ZFHX4: variants seen among roughly 807,000 people sequenced by gnomAD.
ZFHX4 encodes zinc finger homeobox 4.
Under a neutral mutation model 267.6 loss-of-function variants are expected in ZFHX4, and 56 were observed. The ratio of observed to expected loss-of-function variants is 0.21; its 90% CI spans 0.17 to 0.26. The LOEUF (loss-of-function observed/expected upper bound fraction) is 0.26, where lower values mean the gene tolerates loss of function less well. ZFHX4 is among the 10% of genes least tolerant of loss of function. ZFHX4 has a pLI of 1.00. For synonymous variants in ZFHX4, 1,778 were observed against 1,665.6 expected, an observed-to-expected ratio of 1.07 and a Z score of -1.64; for missense variants, 4,332 against 4,420.0, an observed-to-expected ratio of 0.98 and a Z score of 0.56.
intron 4 of ZFHX4, among the ~76,000 whole-genome samples, chr8:76,784,502 T>TTA (rs1810635588): frequency 6.6e-6 from 1 of 152,030 alleles, no homozygotes; most frequent in Non-Finnish European, 1.5e-5. Context: ...GCTCTAGCCA[T>TTA]GGGTGATGTG....
intron 4 of ZFHX4, among the ~76,000 whole-genome samples, chr8:76,809,520 C>A (rs1420611223): frequency 6.6e-6 from 1 of 152,168 alleles, no homozygotes; most frequent in Admixed American, 6.5e-5. Flanking sequence ...GTACTTGTAG[C>A]TTTCCTCATA....
intron 4 of ZFHX4, among the ~76,000 whole-genome samples, chr8:76,798,300 T>C (rs749938086): frequency 7.4e-4 from 113 of 152,324 alleles, no homozygotes; most frequent in Middle Eastern, 3.4e-3. Flanking sequence ...GAACCCATTA[T>C]GCAAGGCGAG....
chr8:76,745,046 C>T (rs1200186891), intron 3 of ZFHX4, among the ~76,000 whole-genome samples: 2 of 152,144 alleles, frequency 1.3e-5, no homozygotes, highest in African/African-American at 4.8e-5. Context: ...TAGCATTCAG[C>T]CTTGGTATTT....
chr8:76,861,246 G>A (rs954414166), intron 10 of ZFHX4, among the ~76,000 whole-genome samples: 1 of 151,592 alleles, frequency 6.6e-6, no homozygotes, highest in East Asian at 1.9e-4. Context: ...TTTTCTTTTT[G>A]CATCTTAAAT....
chr8:76,752,263 A>G (rs1809632533), intron 3 of ZFHX4, among the ~76,000 whole-genome samples: 1 of 152,056 alleles, frequency 6.6e-6, no homozygotes, highest in Non-Finnish European at 1.5e-5. Flanking sequence ...TTCATTCATA[A>G]ATGTCTAACT....
At chr8:76,746,821 C>T (rs751723432) in intron 3 of ZFHX4, among the ~76,000 whole-genome samples, 19 of 152,106 alleles carry the variant, frequency 1.2e-4, no homozygotes, top group Admixed American at 5.2e-4. Context: ...AATTGTTCCA[C>T]CTCTCCTTGG....
intron 3 of ZFHX4, among the ~76,000 whole-genome samples, chr8:76,711,609 A>G (rs931858236): frequency 3.3e-5 from 5 of 152,218 alleles, no homozygotes. Flanking sequence ...GTTCTCAATA[A>G]ATATTTGTAG....
intron 1 of ZFHX4, among the ~76,000 whole-genome samples, chr8:76,701,014 G>A (rs761738714): frequency 9.9e-5 from 15 of 152,040 alleles, no homozygotes; most frequent in African/African-American, 1.7e-4. Flanking sequence ...AAACTTTATC[G>A]TAAATTTCTT....
intron 4 of ZFHX4, among the ~76,000 whole-genome samples, chr8:76,797,115 C>T (rs1009084079): frequency 3.9e-5 from 6 of 152,112 alleles, no homozygotes; most frequent in Non-Finnish European, 8.8e-5. Context: ...GCTATTTTGT[C>T]GTATATTCAA....
chr8:76,833,260 G>T, intron 4 of ZFHX4, 78 bp from the exon 5 acceptor site: 1 of 1,205,562 alleles, frequency 8.3e-7, no homozygotes. Context: ...GCCAAATTTT[G>T]GGTTCTTGTA....
chr8:76,751,937 G>T (rs1483945851), intron 3 of ZFHX4, among the ~76,000 whole-genome samples: 1 of 152,054 alleles, frequency 6.6e-6, no homozygotes, highest in African/African-American at 2.4e-5. Flanking sequence ...GATTATTATT[G>T]CTAGAAAGGA....
chr8:76,745,226 T>C (rs1809428476), intron 3 of ZFHX4, among the ~76,000 whole-genome samples: 2 of 152,196 alleles, frequency 1.3e-5, no homozygotes, highest in South Asian at 2.1e-4. Context: ...GAATGCTCTA[T>C]GACCCTCCCT....
Position 76,766,422 on chromosome 8 carries a change from T to C in ZFHX4, c.3094-11786T>C, listed in dbSNP as rs558178004. On this transcript the variant is annotated intron_variant, in intron 3 of 10. Transcript: ENST00000651372. ...TTGATATTTAAAACGATCTGTTCCA[T>C]GACACAAAAGCATGGTTTTAATTTT... Among the ~76,000 whole-genome samples the C allele has an allele frequency of 3.3e-5, 5 of 152,252 alleles. No individual in the cohort carries two copies. The East Asian group carries it at 7.7e-4, about 24-fold the overall frequency.
chr8:76,834,025 G>C, intron 5 of ZFHX4: 1 of 319,762 alleles, frequency 3.1e-6, no homozygotes, highest in South Asian at 2.7e-5. Context: ...TTAGTAATAT[G>C]CATTTAAGTT....
At chr8:76,735,802 C>T (rs986682717) in intron 3 of ZFHX4, among the ~76,000 whole-genome samples, 1 of 152,002 alleles carries the variant, frequency 6.6e-6, no homozygotes, top group Admixed American at 6.6e-5. Flanking sequence ...TTTAAATCAC[C>T]ATAATATAAA....
chr8:76,764,558 A>G (rs150125741), intron 3 of ZFHX4, among the ~76,000 whole-genome samples: 39 of 152,334 alleles, frequency 2.6e-4, no homozygotes, highest in African/African-American at 9.1e-4. Flanking sequence ...TAAGCAAAGC[A>G]TTGATCTAAT....
Position 76,707,638 on chromosome 8 carries a change from T to C in ZFHX4, c.2683T>C (p.Tyr895His). Residue 895 changes from tyrosine to histidine, a missense_variant, in exon 3 of 11, where the codon TAT becomes CAT. Physicochemically the swap from Tyr to His is moderately conservative, Grantham distance 83 (BLOSUM62 2). This residue lies in a region of ZFHX4 where 1,195 missense variants were observed against 1,173.6 expected (regional missense o/e 1.02). Coordinates refer to ENST00000651372, the MANE Select transcript of ZFHX4 (RefSeq NM_024721.5). ...SLLTAGELSPYISDPALKLFQ... is the reference protein window; with the variant it reads ...SLLTAGELSPHISDPALKLFQ... Reference sequence around the variant, plus strand: ...CCTTACTGCAGGAGAGCTGTCACCTTATATCAGTGACCCAGCGCTGAAGCT... The same window carrying C: ...CCTTACTGCAGGAGAGCTGTCACCTCATATCAGTGACCCAGCGCTGAAGCT... 1 of 1,613,886 alleles carries C rather than the reference T, an allele frequency of 6.2e-7. No homozygotes were observed. Among genetic ancestry groups the C allele is most frequent in the Non-Finnish European group, 8.5e-7 (1 of 1,179,872 alleles).
intron 3 of ZFHX4, among the ~76,000 whole-genome samples, chr8:76,750,198 G>A (rs1410319411): frequency 6.6e-6 from 1 of 152,114 alleles, no homozygotes; most frequent in African/African-American, 2.4e-5. Flanking sequence ...TTTCCCTGAG[G>A]ATGTCTCCAG....
intron 4 of ZFHX4, among the ~76,000 whole-genome samples, chr8:76,829,150 G>T (rs770926210): frequency 6.6e-6 from 1 of 151,782 alleles, no homozygotes; most frequent in African/African-American, 2.4e-5. Context: ...AATTTATTCC[G>T]ATATCTGAAT....
Sources: allele counts gnomAD v4.1 joint callset (sites outside exome capture counted in the v4.1 genomes callset), GRCh38; gene constraint gnomAD v4.1.1; regional missense constraint gnomAD v4.1.1; transcripts MANE v1.5; gene names NCBI Gene and HGNC (gene_info 2026-07-23, HGNC 2026-07-21).